SPATA16: variants seen among roughly 807,000 people sequenced by gnomAD.
The protein encoded by SPATA16 is spermatogenesis associated 16.
A neutral mutation model predicts 63.3 loss-of-function variants in SPATA16; 36 were observed. The observed-to-expected ratio is 0.57, with a 90% CI of 0.44 to 0.75. The LOEUF is 0.75. Ranked by LOEUF, SPATA16 falls within the 30% of genes least tolerant of loss-of-function variation. The pLI, the probability that SPATA16 is intolerant of heterozygous loss-of-function variation, is 0.00. For missense variants in SPATA16, 646 were observed against 679.3 expected (o/e 0.95, Z 0.54); for synonymous variants, 203 against 216.7 (o/e 0.94, Z 0.56).
chr3:172,921,673 G>A (rs1189591010), intron 8 of SPATA16, among the ~76,000 whole-genome samples: 1 of 152,176 alleles, frequency 6.6e-6, no homozygotes, highest in Non-Finnish European at 1.5e-5. Flanking sequence ...CTGTAAAACA[G>A]TCTCTTTGTC....
intron 2 of SPATA16, among the ~76,000 whole-genome samples, chr3:173,104,842 T>C (rs555059953): frequency 2.0e-5 from 3 of 152,352 alleles, no homozygotes; most frequent in South Asian, 2.1e-4. Context: ...TCTTTCAATA[T>C]AATAATGGCC....
chr3:173,004,766 G>A (rs529687385), intron 4 of SPATA16, among the ~76,000 whole-genome samples: 4 of 152,232 alleles, frequency 2.6e-5, no homozygotes, highest in African/African-American at 9.6e-5. Context: ...GCCAAATACT[G>A]TGCTAAGTGC....
chr3:172,934,471 A>G (rs1051935855), intron 6 of SPATA16, among the ~76,000 whole-genome samples: 1 of 152,182 alleles, frequency 6.6e-6, no homozygotes, highest in Non-Finnish European at 1.5e-5. Context: ...AAAAGTAAAG[A>G]GGATCGAATA....
chr3:172,903,488 C>T (rs191781392), intron 10 of SPATA16, among the ~76,000 whole-genome samples: 2 of 152,230 alleles, frequency 1.3e-5, no homozygotes, highest in Non-Finnish European at 2.9e-5. Flanking sequence ...AGCCTCAAGA[C>T]CCCCTGTGCT....
rs71785029 is a variant in SPATA16 at position 173,030,057 on chromosome 3, ACTATCTATCTATCTAT to A, written c.759-10498_759-10483del. ...ATATTGAAGACAGAGTGGTTACTTT[ACTATCTATCTATCTAT>A]CTATCTATCTATCTATCTATCTATC... On this transcript the variant is annotated intron_variant, in intron 3 of 10. Transcript: ENST00000351008. 3.0e-3 allele frequency among the ~76,000 whole-genome samples: 453 copies of A among 149,206 alleles called. 5 individuals are homozygous for A. Among genetic ancestry groups the A allele is most frequent in the South Asian group, 0.01 (48 of 4,624 alleles).
intron 8 of SPATA16, among the ~76,000 whole-genome samples, chr3:172,917,479 A>G (rs899173522): frequency 6.6e-6 from 1 of 152,182 alleles, no homozygotes; most frequent in Admixed American, 6.5e-5. Flanking sequence ...CCTTTAGAGC[A>G]GGGGCCCCCT....
At chr3:172,982,129 A>C (rs1734336772) in intron 4 of SPATA16, among the ~76,000 whole-genome samples, 1 of 152,230 alleles carries the variant, frequency 6.6e-6, no homozygotes, top group Non-Finnish European at 1.5e-5. Context: ...TTATTTATTT[A>C]TATAAATTCA....
chr3:173,098,106 T>G (rs890412306), intron 2 of SPATA16, among the ~76,000 whole-genome samples: 6 of 151,914 alleles, frequency 3.9e-5, no homozygotes, highest in African/African-American at 1.5e-4. Context: ...CCATCTTGTT[T>G]ATGGAATAAT....
intron 2 of SPATA16, among the ~76,000 whole-genome samples, chr3:173,090,765 T>C (rs1025335960): frequency 6.6e-6 from 1 of 152,202 alleles, no homozygotes; most frequent in Non-Finnish European, 1.5e-5. Flanking sequence ...TGGATACATT[T>C]AACATAGGAC....
At chr3:172,974,146 G>T (rs1307736353) in intron 5 of SPATA16, among the ~76,000 whole-genome samples, 4 of 152,088 alleles carry the variant, frequency 2.6e-5, no homozygotes, top group Admixed American at 6.5e-5. Flanking sequence ...CTGCATCTGA[G>T]AGTTTGTAAG....
At chr3:172,930,050 CA>C (rs1732832632) in intron 6 of SPATA16, among the ~76,000 whole-genome samples, 1 of 152,198 alleles carries the variant, frequency 6.6e-6, no homozygotes, top group South Asian at 2.1e-4. Flanking sequence ...CATCCCATAT[CA>C]GCCTGTTTCT....
At chr3:173,045,133 C>T (rs1735928565) in intron 3 of SPATA16, among the ~76,000 whole-genome samples, 1 of 152,134 alleles carries the variant, frequency 6.6e-6, no homozygotes, top group African/African-American at 2.4e-5. Flanking sequence ...AGTAAATTCC[C>T]ATGCAGACTT....
intron 1 of SPATA16, among the ~76,000 whole-genome samples, chr3:173,127,360 T>C (rs1738251813): frequency 6.6e-6 from 1 of 152,346 alleles, no homozygotes; most frequent in Non-Finnish European, 1.5e-5. Context: ...AAATCCAGGA[T>C]GTTAACATTG....
chr3:173,122,480 C>T (rs772522182), intron 1 of SPATA16, among the ~76,000 whole-genome samples: 5 of 151,416 alleles, frequency 3.3e-5, no homozygotes, highest in African/African-American at 4.9e-5. Flanking sequence ...CTGAAACATT[C>T]GACATCACAG....
intron 4 of SPATA16, among the ~76,000 whole-genome samples, chr3:172,994,038 C>T (rs1734642717): frequency 6.6e-6 from 1 of 152,090 alleles, no homozygotes; most frequent in Admixed American, 6.6e-5. Flanking sequence ...GAGTCTGGGT[C>T]ACATCATTCC....
rs796325885 is a variant in SPATA16, at chr3:173,007,773, C to CT, written c.848+11712dup. Among the ~76,000 whole-genome samples the CT allele has an allele frequency of 1.8e-3, 253 of 142,852 alleles. 1 individual carries two copies. In the East Asian group the frequency reaches 0.02, roughly 11 times the overall value. 93.7% of individuals were successfully genotyped at this position (142,852 alleles called of 152,430 possible). ...TTGAATTGAACTTGGTAAAATACAT[C>CT]TTTTTTTTTTTTTAACAGCTGGCTT... is the stretch of plus-strand genomic sequence containing the variant. On this transcript the variant is annotated intron_variant, in intron 4 of 10. Transcript: ENST00000351008.
At chr3:173,075,199 A>G (rs1358859858) in intron 2 of SPATA16, among the ~76,000 whole-genome samples, 2 of 151,900 alleles carry the variant, frequency 1.3e-5, no homozygotes, top group Non-Finnish European at 2.9e-5. Context: ...AGATAACAAT[A>G]TAAAATGTAG....
At chr3:173,079,269 G>T (rs944199655) in intron 2 of SPATA16, among the ~76,000 whole-genome samples, 4 of 152,018 alleles carry the variant, frequency 2.6e-5, no homozygotes, top group Non-Finnish European at 4.4e-5. Context: ...TCATTATGAC[G>T]TGAAATCACT....
intron 2 of SPATA16, among the ~76,000 whole-genome samples, chr3:173,101,369 T>A (rs775940358): frequency 1.3e-5 from 2 of 152,180 alleles, no homozygotes; most frequent in Non-Finnish European, 2.9e-5. Flanking sequence ...CATACCCTAA[T>A]CAAAGGTTTG....
Sources: allele counts gnomAD v4.1 joint callset (sites outside exome capture counted in the v4.1 genomes callset), GRCh38; gene constraint gnomAD v4.1.1; transcripts MANE v1.5; gene names NCBI Gene and HGNC (gene_info 2026-07-23, HGNC 2026-07-21).